Variants in CCNC observed in about 807,000 individuals in gnomAD.
The protein encoded by CCNC is cyclin-C.
In CCNC, 19 loss-of-function variants were observed where a neutral mutation model predicts 50.0. That is an observed-to-expected ratio of 0.38 (90% CI 0.27 to 0.56). The LOEUF (loss-of-function observed/expected upper bound fraction) is 0.56. Ranked by LOEUF, CCNC falls within the 20% of genes least tolerant of loss-of-function variation. CCNC has a pLI of 0.72. For synonymous variants in CCNC, 93 were observed against 103.7 expected (o/e 0.90, Z 0.63); for missense variants, 200 against 327.1 (o/e 0.61, Z 3.00).
intron 9 of CCNC, 128 bp from the exon 10 acceptor site, chr6:99,546,602 A>T (rs1802080860): frequency 3.2e-6 from 2 of 622,348 alleles, no homozygotes; most frequent in South Asian, 4.0e-5. Context: ...ACAGCTACAT[A>T]TGAGAGTTAC....
chr6:99,545,625 A>G (rs1235333028), intron 10 of CCNC, among the ~76,000 whole-genome samples: 1 of 152,238 alleles, frequency 6.6e-6, no homozygotes, highest in Non-Finnish European at 1.5e-5. Flanking sequence ...CTGTTACTAC[A>G]CATACATTAA....
intron 9 of CCNC, 24 bp from the exon 10 acceptor site, chr6:99,546,498 T>C (rs758122333): frequency 7.5e-6 from 11 of 1,476,280 alleles, no homozygotes; most frequent in Admixed American, 1.7e-5. Flanking sequence ...GAGAGACAAC[T>C]GTCCATGTTT....
intron 2 of CCNC, 44 bp from the exon 3 acceptor site, chr6:99,561,725 A>T (rs754923471): frequency 8.8e-7 from 1 of 1,137,726 alleles, no homozygotes; most frequent in African/African-American, 1.5e-5. Context: ...TTCTGGTATC[A>T]TTATAATATT....
intron 5 of CCNC, among the ~76,000 whole-genome samples, 180 bp from the exon 6 acceptor site, chr6:99,552,075 G>C (rs1802324086): frequency 6.6e-6 from 1 of 151,838 alleles, no homozygotes; most frequent in Non-Finnish European, 1.5e-5. Flanking sequence ...CTGGGGGGCA[G>C]GACACTCTAC....
intron 5 of CCNC, 36 bp downstream of exon 5, chr6:99,558,461 T>C (rs1411718447): frequency 6.2e-7 from 1 of 1,607,654 alleles, no homozygotes; most frequent in Non-Finnish European, 8.5e-7. Flanking sequence ...TTCTTTAGAA[T>C]TACATCCTTA....
At chr6:99,553,291 C>A (rs1359335007) in intron 5 of CCNC, among the ~76,000 whole-genome samples, 1 of 152,108 alleles carries the variant, frequency 6.6e-6, no homozygotes, top group Admixed American at 6.5e-5. Context: ...TATACCAGCA[C>A]AACAGGTTCT....
intron 9 of CCNC, among the ~76,000 whole-genome samples, chr6:99,548,161 TAAAG>T (rs1210636316): frequency 3.9e-5 from 6 of 152,054 alleles, no homozygotes; most frequent in East Asian, 1.9e-4. Flanking sequence ...CTTGGCTAAA[TAAAG>T]AGATTTAAAT....
intron 9 of CCNC, chr6:99,549,276 T>A: frequency 1.7e-6 from 1 of 590,248 alleles, no homozygotes; most frequent in East Asian, 2.9e-5. Context: ...TTAAAACTAT[T>A]TTGAATGGTT....
intron 5 of CCNC, among the ~76,000 whole-genome samples, chr6:99,556,512 CT>C (rs1802514741): frequency 6.6e-6 from 1 of 152,184 alleles, no homozygotes; most frequent in Non-Finnish European, 1.5e-5. Flanking sequence ...TAGCATTACC[CT>C]CATGTGTGAA....
At position 99,550,198 on chromosome 6, in the gene CCNC, A is replaced by G. The variant is rs780530308; in HGVS notation, c.530+20T>C. The G allele has an allele frequency of 1.3e-6, 2 of 1,538,492 alleles. No individual in the cohort carries two copies. The highest frequency in any genetic ancestry group is 1.8e-6 in the Non-Finnish European group (2 of 1,115,368). ...TATCTAATAACATGTTACACTATTA[A>G]TAACTTCTGTTCTAATTACCATGCA... On this transcript the variant is annotated intron_variant, in intron 8 of 11. Coordinates refer to ENST00000520429, the MANE Select transcript of CCNC (RefSeq NM_005190.4).
intron 9 of CCNC, among the ~76,000 whole-genome samples, chr6:99,548,265 G>A (rs943955154): frequency 9.2e-5 from 14 of 152,100 alleles, no homozygotes; most frequent in African/African-American, 3.4e-4. Context: ...TGTGACACAT[G>A]TTCTGTTATC....
intron 1 of CCNC, among the ~76,000 whole-genome samples, chr6:99,563,442 GCCT>G (rs1768941618): frequency 6.6e-6 from 1 of 152,160 alleles, no homozygotes; most frequent in Non-Finnish European, 1.5e-5. Context: ...TACACTGATA[GCCT>G]CCTCCTCTTG....
chr6:99,559,372 G>C (rs1384750842), intron 4 of CCNC, among the ~76,000 whole-genome samples: 2 of 151,892 alleles, frequency 1.3e-5, no homozygotes, highest in Non-Finnish European at 2.9e-5. Context: ...TGCCTCGTAA[G>C]ATTTCTAAAG....
intron 1 of CCNC, among the ~76,000 whole-genome samples, chr6:99,567,289 C>CT (rs946491449): frequency 1.3e-4 from 20 of 150,880 alleles, no homozygotes; most frequent in Admixed American, 1.2e-3. Flanking sequence ...ACTACCTAAA[C>CT]TTTTTTTTTC....
intron 8 of CCNC, 95 bp downstream of exon 8, chr6:99,550,123 G>A (rs1802230541): frequency 1.2e-6 from 1 of 853,214 alleles, no homozygotes; most frequent in Admixed American, 2.4e-5. Context: ...TGGGGCAATA[G>A]TTTAATGACT....
intron 1 of CCNC, chr6:99,568,019 ACT>A (rs1367564406): frequency 1.3e-5 from 2 of 156,648 alleles, no homozygotes; most frequent in Non-Finnish European, 2.8e-5. Flanking sequence ...AACAAGCCAG[ACT>A]CTCTCCTCTC....
intron 1 of CCNC, 90 bp downstream of exon 1, chr6:99,568,406 G>T: frequency 7.7e-7 from 1 of 1,298,440 alleles, no homozygotes; most frequent in South Asian, 1.2e-5. Context: ...TCGGAACTGA[G>T]CTGGGATCCA....
chr6:99,553,408 T>C (rs1802383559), intron 5 of CCNC, among the ~76,000 whole-genome samples: 1 of 152,184 alleles, frequency 6.6e-6, no homozygotes, highest in Non-Finnish European at 1.5e-5. Flanking sequence ...TGAGAATATA[T>C]TTACCTGATA....
chr6:99,565,915 CTG>C (rs1033285636), intron 1 of CCNC, among the ~76,000 whole-genome samples: 75 of 152,050 alleles, frequency 4.9e-4, no homozygotes, highest in Admixed American at 3.8e-3. Context: ...CTAGATTTTT[CTG>C]TGTTATCATG....
Sources: gnomAD v4.1 joint callset for allele counts (sites outside exome capture counted in the v4.1 genomes callset) on GRCh38, gnomAD v4.1.1 for gene constraint, MANE v1.5 for transcripts, NCBI Gene and HGNC (gene_info 2026-07-23, HGNC 2026-07-21) for gene names.